VRTN: variants seen among roughly 807,000 people sequenced by gnomAD.
The protein encoded by VRTN is vertebrae development associated.
VRTN carries 5 observed loss-of-function variants against 18.2 expected under a neutral mutation model. The ratio of observed to expected loss-of-function variants is 0.27; its 90% CI spans 0.14 to 0.58. The LOEUF is 0.58. Among genes scored for constraint, VRTN ranks in the 20% least tolerant of loss-of-function variants. The probability of loss-of-function intolerance (pLI) is 0.91; values close to 1 mark genes in which losing one functional copy is unlikely to be tolerated. For missense variants in VRTN, 741 were observed against 939.4 expected (o/e 0.79, Z 2.76); for synonymous variants, 381 against 393.7 (o/e 0.97, Z 0.38).
intron 1 of VRTN, among the ~76,000 whole-genome samples, chr14:74,331,552 A>T (rs1218945494): frequency 2.4e-5 from 1 of 42,354 alleles, no homozygotes; most frequent in African/African-American, 1.7e-4. Context: ...TTTTATATAT[A>T]TATATATATA....
At chr14:74,349,977 A>C (rs1475706720) in intron 1 of VRTN, among the ~76,000 whole-genome samples, 1 of 151,918 alleles carries the variant, frequency 6.6e-6, no homozygotes, top group African/African-American at 2.4e-5. Flanking sequence ...GATCACTTCC[A>C]AGAGTTGTGG....
chr14:74,326,211 G>T (rs762318615), intron 1 of VRTN, among the ~76,000 whole-genome samples: 1 of 152,088 alleles, frequency 6.6e-6, no homozygotes, highest in African/African-American at 2.4e-5. Context: ...TTTGGAGAAG[G>T]CCCTGGAAGC....
rs116659562 is a variant in VRTN, at chr14:74,354,022, C to T, written c.-1-2761C>T. Among the ~76,000 whole-genome samples, 1,006 of 152,262 alleles carry T rather than the reference C, an allele frequency of 6.6e-3. 18 individuals carry two copies. The highest frequency in any genetic ancestry group is 0.023 in the African/African-American group (967 of 41,556). ...CTCCCGACCTCAAGTGATCTGCCTG[C>T]CTCGGCCTATCTTCTTTTAAACCAG... On this transcript the variant is annotated intron_variant, in intron 1 of 1. Transcript: ENST00000256362.
intron 1 of VRTN, among the ~76,000 whole-genome samples, chr14:74,355,500 C>T (rs1030841948): frequency 2.6e-5 from 4 of 151,886 alleles, no homozygotes; most frequent in South Asian, 2.1e-4. Context: ...TTAAGGATAA[C>T]GGTTTTCTTT....
intron 1 of VRTN, among the ~76,000 whole-genome samples, chr14:74,335,782 C>T (rs2085559954): frequency 6.6e-6 from 1 of 150,648 alleles, no homozygotes; most frequent in Non-Finnish European, 1.5e-5. Flanking sequence ...GCTCTGTTGC[C>T]CAGGCTGGAG....
Position 74,358,598 on chromosome 14 carries a change from A to G in VRTN, c.1815A>G (p.Arg605=), listed in dbSNP as rs1354624754. Residue 605 remains arginine (R), a synonymous_variant, in exon 2 of 2, where the codon AGA becomes AGG. Coordinates refer to ENST00000256362, the MANE Select transcript of VRTN (RefSeq NM_018228.3). This position sits in a 1 kb window ranked among gnomAD's most constrained non-coding sequence, Gnocchi z 5.4. ...AAGATGTAGAGGGAGGGCCTTCCAG[A>G]GAGGGGGCCCTGCAGGAGGGGGCCA... ...SSEDVEGGPS[R]EGALQEGATA... 1.2e-6 allele frequency: 2 copies of G among 1,600,176 alleles called. No individual in the cohort carries two copies. The highest frequency in any genetic ancestry group is 8.5e-7 in the Non-Finnish European group (1 of 1,172,542).
intron 1 of VRTN, among the ~76,000 whole-genome samples, chr14:74,313,515 C>T (rs1019395058): frequency 2.0e-5 from 3 of 152,264 alleles, no homozygotes; most frequent in Admixed American, 2.0e-4. Context: ...GTTCAAAGGA[C>T]GGTGACATCT....
At chr14:74,332,246 A>G (rs934136415) in intron 1 of VRTN, among the ~76,000 whole-genome samples, 2 of 149,300 alleles carry the variant, frequency 1.3e-5, no homozygotes, top group African/African-American at 4.9e-5. Context: ...CCTCAAAGCA[A>G]CTGCTGCTTA....
upstream of VRTN, among the ~76,000 whole-genome samples, chr14:74,344,893 A>G (rs903995835): frequency 1.1e-4 from 16 of 152,052 alleles, no homozygotes; most frequent in Non-Finnish European, 2.2e-4. Flanking sequence ...AAAGAAAGGA[A>G]AAAAGCTCTG....
intron 1 of VRTN, among the ~76,000 whole-genome samples, chr14:74,355,356 A>G (rs929073556): frequency 2.6e-5 from 4 of 152,168 alleles, no homozygotes; most frequent in Non-Finnish European, 5.9e-5. Flanking sequence ...ATTGTATATC[A>G]TGCTAAAGGG....
At chr14:74,320,561 C>CTTT (rs1567039607) in intron 1 of VRTN, among the ~76,000 whole-genome samples, 3 of 91,522 alleles carry the variant, frequency 3.3e-5, no homozygotes, top group Admixed American at 1.4e-4. Flanking sequence ...TGCGCCCGGC[C>CTTT]TCTTTTTTTT....
chr14:74,356,708 G>A (rs1336161149), intron 1 of VRTN, 75 bp from the exon 2 acceptor site: 2 of 1,496,706 alleles, frequency 1.3e-6, no homozygotes, highest in Admixed American at 2.4e-5. Flanking sequence ...GTGCAGGAGT[G>A]GACAGGGCAC....
intron 1 of VRTN, among the ~76,000 whole-genome samples, chr14:74,309,350 C>T (rs1048449003): frequency 2.0e-5 from 3 of 152,210 alleles, no homozygotes; most frequent in Non-Finnish European, 4.4e-5. Flanking sequence ...AGCACAGTAG[C>T]TATTTGTTTA....
At position 74,328,517 on chromosome 14, in the gene VRTN, A is replaced by G. The variant is rs1167135609; in HGVS notation, c.-163-9206A>G. Among the ~76,000 whole-genome samples the G allele has an allele frequency of 2.0e-5, 3 of 152,364 alleles. No individual in the cohort carries two copies. In the East Asian group the frequency reaches 5.8e-4, roughly 29 times the overall value. On this transcript the variant is annotated intron_variant, in intron 1 of 2. Coordinates refer to the VRTN transcript ENST00000557177. ...AGGAAGGAACTTTTGCAAAACATACACACATTTGTTTACTGCAACACTGTT... is the reference window on the plus strand; with the variant it reads ...AGGAAGGAACTTTTGCAAAACATACGCACATTTGTTTACTGCAACACTGTT...
At chr14:74,350,683 G>A (rs895192976) in intron 1 of VRTN, among the ~76,000 whole-genome samples, 1 of 152,206 alleles carries the variant, frequency 6.6e-6, no homozygotes, top group Non-Finnish European at 1.5e-5. Flanking sequence ...AAGCTGTGTG[G>A]TCTTGCGAAA....
intron 1 of VRTN, among the ~76,000 whole-genome samples, chr14:74,309,274 G>C (rs1417121864): frequency 1.3e-5 from 2 of 152,098 alleles, no homozygotes; most frequent in Non-Finnish European, 2.9e-5. Context: ...TCCACCCCAA[G>C]AGGACAGGGA....
At chr14:74,321,248 T>A (rs1269263271) in intron 1 of VRTN, among the ~76,000 whole-genome samples, 1 of 152,092 alleles carries the variant, frequency 6.6e-6, no homozygotes, top group Non-Finnish European at 1.5e-5. Flanking sequence ...AGAGGAAAAT[T>A]GTTGATGTTA....
chr14:74,316,880 G>T (rs1276527903), intron 1 of VRTN, among the ~76,000 whole-genome samples: 1 of 151,760 alleles, frequency 6.6e-6, no homozygotes, highest in Non-Finnish European at 1.5e-5. Context: ...CTCGTGATCC[G>T]CCCGTCTCGG....
In VRTN at chr14:74,358,721, C is replaced by T. The variant is rs141424540; in HGVS notation, c.1938C>T (p.Ile646=). The change falls in exon 2 of 2, where the codon ATC becomes ATT. Residue 646 remains isoleucine (I), a synonymous_variant. Transcript: ENST00000256362. The surrounding 1 kb of genome is among the most constrained non-coding windows in gnomAD (Gnocchi z 5.4). The part of the protein sequence containing the change: ...RDGRMLVMDM[I]ATTKFKAQAK... The stretch of plus-strand genomic sequence containing the variant: ...GCCGGATGCTGGTGATGGACATGAT[C>T]GCTACCACGAAGTTCAAGGCCCAGG... 1.6e-5 allele frequency: 26 copies of T among 1,614,074 alleles called. No individual in the cohort carries two copies. The East Asian group carries it at 2.7e-4, about 17-fold the overall frequency.
Sources: gnomAD v4.1 joint callset for allele counts (sites outside exome capture counted in the v4.1 genomes callset) on GRCh38, gnomAD v4.1.1 for gene constraint, Gnocchi (gnomAD v3.1) non-coding constraint, MANE v1.5 for transcripts, NCBI Gene and HGNC (gene_info 2026-07-23, HGNC 2026-07-21) for gene names.